Variants in RBFOX1 observed in about 807,000 individuals in gnomAD.
RBFOX1 encodes RNA binding protein fox-1 homolog 1.
In RBFOX1, 8 loss-of-function variants were observed where a neutral mutation model predicts 57.7. The observed-to-expected ratio is 0.14, with a 90% confidence interval of 0.08 to 0.25. The LOEUF is 0.25. RBFOX1 is among the 10% of genes least tolerant of loss of function. The pLI is 1.00. For synonymous variants in RBFOX1, 326 were observed against 222.4 expected, an observed-to-expected ratio of 1.47 and a Z score of -4.15; for missense variants, 611 against 548.5, an observed-to-expected ratio of 1.11 and a Z score of -1.14.
intron 3 of RBFOX1, among the ~76,000 whole-genome samples, chr16:6,979,218 C>T (rs950798045): frequency 4.6e-5 from 7 of 151,998 alleles, no homozygotes; most frequent in Admixed American, 6.6e-5. Flanking sequence ...CTCAGTTTTC[C>T]CACCTGTAAG....
At chr16:6,853,945 G>C (rs187079329) in intron 3 of RBFOX1, among the ~76,000 whole-genome samples, 16 of 152,234 alleles carry the variant, frequency 1.1e-4, no homozygotes, top group African/African-American at 2.9e-4. Flanking sequence ...TGCATGTCTA[G>C]GTAACTTTTA....
chr16:6,121,811 G>C (rs751019501), intron 1 of RBFOX1, among the ~76,000 whole-genome samples: 8 of 152,132 alleles, frequency 5.3e-5, no homozygotes, highest in Non-Finnish European at 1.0e-4. Flanking sequence ...AATAACTAAT[G>C]GTACCTATCT....
Position 7,417,253 on chromosome 16 carries a change from A to T in RBFOX1, c.28-100894A>T, listed in dbSNP as rs13334493. On this transcript the variant is annotated intron_variant, in intron 4 of 15. Coordinates refer to ENST00000550418, the MANE Select transcript of RBFOX1 (RefSeq NM_018723.4). The stretch of plus-strand genomic sequence containing the variant: ...CTGGGCGTGGTGGTGTGTGCCTGTA[A>T]CCACAGCTACTTAGGAAACTGAGAC... 8.5e-4 allele frequency among the ~76,000 whole-genome samples: 129 copies of T among 151,820 alleles called. 1 individual carries two copies. The Middle Eastern group carries it at 0.014, about 16-fold the overall frequency.
intron 1 of RBFOX1, among the ~76,000 whole-genome samples, chr16:6,312,599 G>A (rs1329930886): frequency 1.3e-5 from 2 of 152,088 alleles, no homozygotes; most frequent in South Asian, 2.1e-4. Flanking sequence ...GACTTTTGGG[G>A]AGGCTGAGTG....
intron 3 of RBFOX1, among the ~76,000 whole-genome samples, chr16:5,655,899 G>A (rs1351869317): frequency 6.6e-6 from 1 of 152,206 alleles, no homozygotes; most frequent in Non-Finnish European, 1.5e-5. Flanking sequence ...ATGTGCAATT[G>A]TAGATTAGGT....
At chr16:6,514,298 C>G (rs1405511645) in intron 2 of RBFOX1, among the ~76,000 whole-genome samples, 2 of 152,294 alleles carry the variant, frequency 1.3e-5, no homozygotes, top group African/African-American at 4.8e-5. Context: ...CCATATTCAT[C>G]TGAATCTGGC....
intron 3 of RBFOX1, among the ~76,000 whole-genome samples, chr16:6,895,631 T>C (rs908805599): frequency 6.6e-6 from 1 of 151,526 alleles, no homozygotes; most frequent in Non-Finnish European, 1.5e-5. Flanking sequence ...TGGAGAGTCA[T>C]AGATCCTTGA....
At chr16:5,277,119 CT>C (rs1567269251) in intron 1 of RBFOX1, among the ~76,000 whole-genome samples, 1 of 152,038 alleles carries the variant, frequency 6.6e-6, no homozygotes, top group Admixed American at 6.6e-5. Context: ...TAGAATACTA[CT>C]TAGCCTTAAA....
chr16:7,277,967 C>T (rs924376100), intron 4 of RBFOX1, among the ~76,000 whole-genome samples: 1 of 149,668 alleles, frequency 6.7e-6, no homozygotes, highest in African/African-American at 2.5e-5. Flanking sequence ...AAAAAAGGTA[C>T]TAAGACATTA....
chr16:6,956,035 C>T (rs1330532325), intron 3 of RBFOX1, among the ~76,000 whole-genome samples: 3 of 152,092 alleles, frequency 2.0e-5, no homozygotes, highest in South Asian at 4.1e-4. Flanking sequence ...AGGGTGAGGA[C>T]ACATTTTTGA....
At chr16:6,560,370 A>G (rs1419491295) in intron 2 of RBFOX1, among the ~76,000 whole-genome samples, 2 of 31,822 alleles carry the variant, frequency 6.3e-5, no homozygotes, top group Non-Finnish European at 1.4e-3. Flanking sequence ...GCAATTTTAC[A>G]TGAGGAGGAG....
Position 7,500,134 on chromosome 16 carries a change from A to G in RBFOX1, c.28-18013A>G, listed in dbSNP as rs572473614. Among the ~76,000 whole-genome samples the G allele has an allele frequency of 5.3e-5, 8 of 152,272 alleles. No homozygotes were observed. In the South Asian group the frequency reaches 1.5e-3, roughly 28 times the overall value. The stretch of plus-strand genomic sequence containing the variant: ...CACACATTCTTAGCTACGGAAGAAT[A>G]ATATTTATGCACTGCTTAATCATGT... On this transcript the variant is annotated intron_variant, in intron 4 of 15. Transcript: ENST00000550418.
chr16:6,103,168 G>C (rs1427709405), intron 1 of RBFOX1, among the ~76,000 whole-genome samples: 1 of 152,216 alleles, frequency 6.6e-6, no homozygotes, highest in African/African-American at 2.4e-5. Flanking sequence ...GGATAAGCCA[G>C]TTCCATCCAA....
At chr16:6,814,252 G>C (rs1018850681) in intron 3 of RBFOX1, among the ~76,000 whole-genome samples, 1 of 143,574 alleles carries the variant, frequency 7.0e-6, no homozygotes, top group African/African-American at 2.5e-5. Context: ...AATTGTGGTG[G>C]GGGGGAGGGA....
intron 2 of RBFOX1, among the ~76,000 whole-genome samples, chr16:6,462,468 T>C (rs150714401): frequency 5.3e-5 from 8 of 152,374 alleles, no homozygotes; most frequent in South Asian, 2.1e-4. Context: ...TTCCATAGTA[T>C]GGATGCGTCA....
At chr16:6,083,884 C>T (rs150017253) in intron 1 of RBFOX1, among the ~76,000 whole-genome samples, 1 of 152,160 alleles carries the variant, frequency 6.6e-6, no homozygotes, top group Non-Finnish European at 1.5e-5. Context: ...GAAGAATTGG[C>T]TGCCTGAAAG....
At chr16:5,876,106 G>C (rs1188279758) in intron 4 of RBFOX1, among the ~76,000 whole-genome samples, 5 of 152,132 alleles carry the variant, frequency 3.3e-5, no homozygotes, top group African/African-American at 1.2e-4. Flanking sequence ...GCCTCCCAAA[G>C]TGCTGGGATT....
intron 2 of RBFOX1, among the ~76,000 whole-genome samples, chr16:5,529,425 C>G (rs1226652079): frequency 6.1e-5 from 9 of 146,938 alleles, no homozygotes; most frequent in African/African-American, 2.2e-4. Context: ...GAGACAGGGT[C>G]TCCCTTTGTT....
intron 1 of RBFOX1, among the ~76,000 whole-genome samples, chr16:6,286,955 G>A (rs925598779): frequency 2.6e-5 from 4 of 152,138 alleles, no homozygotes; most frequent in Admixed American, 2.6e-4. Flanking sequence ...TGACTTGAAG[G>A]ATATATTTAA....
Sources: allele counts gnomAD v4.1 joint callset (sites outside exome capture counted in the v4.1 genomes callset), GRCh38; gene constraint gnomAD v4.1.1; transcripts MANE v1.5; gene names NCBI Gene and HGNC (gene_info 2026-07-23, HGNC 2026-07-21).